ANKRD12: variants seen among roughly 807,000 people sequenced by gnomAD.
ANKRD12 encodes ankyrin repeat domain 12.
ANKRD12 carries 85 observed loss-of-function variants against 183.4 expected under a neutral mutation model. The ratio of observed to expected loss-of-function variants is 0.46; its 90% confidence interval spans 0.39 to 0.56. The LOEUF (loss-of-function observed/expected upper bound fraction) is 0.56, where lower values mean the gene tolerates loss of function less well. Ranked by LOEUF, ANKRD12 falls within the 20% of genes least tolerant of loss-of-function variation. ANKRD12 has a pLI of 0.00. For missense variants in ANKRD12, 2,405 were observed against 2,357.1 expected, an observed-to-expected ratio of 1.02 and a Z score of -0.42; for synonymous variants, 914 against 800.2, an observed-to-expected ratio of 1.14 and a Z score of -2.40.
At chr18:9,199,337 G>A (rs1177343147) in intron 3 of ANKRD12, among the ~76,000 whole-genome samples, 2 of 152,136 alleles carry the variant, frequency 1.3e-5, no homozygotes, top group African/African-American at 2.4e-5. Flanking sequence ...GAAACAGTAT[G>A]TGCTATTTGC....
chr18:9,255,776 G>A lies in ANKRD12; in HGVS notation c.2509G>A (p.Glu837Lys). Residue 837 changes from glutamate to lysine, a missense_variant, in exon 9 of 13, where the codon GAA (glutamate) becomes AAA (lysine). By Grantham distance (56) the Glu-to-Lys change is moderately conservative. Around this residue, in one of 7 missense-constraint regions of ANKRD12, gnomAD observed 1,983 missense variants for 1,725.9 expected, o/e 1.15. Coordinates refer to ENST00000262126, the MANE Select transcript of ANKRD12 (RefSeq NM_015208.5). ...QIKEKDIEKM[E>K]RKTFEKEKKI... is the part of the protein sequence containing the mutation. Reference sequence around the variant, plus strand: ...TAAAGAAAAGGACATTGAGAAGATGGAAAGAAAAACCTTTGAAAAAGAAAA... The same window carrying A: ...TAAAGAAAAGGACATTGAGAAGATGAAAAGAAAAACCTTTGAAAAAGAAAA... 6.3e-7 allele frequency: 1 copy of A among 1,576,408 alleles called. No homozygotes were observed. The highest frequency in any genetic ancestry group is 2.3e-5 in the East Asian group (1 of 44,274).
chr18:9,201,908 A>G (rs965447662), intron 3 of ANKRD12, among the ~76,000 whole-genome samples: 6 of 151,424 alleles, frequency 4.0e-5, no homozygotes, highest in African/African-American at 1.5e-4. Context: ...GCTCACTGCA[A>G]CCTCTGCCTC....
intron 11 of ANKRD12, 87 bp downstream of exon 11, chr18:9,275,754 T>C (rs188627879): frequency 7.7e-7 from 1 of 1,301,478 alleles, no homozygotes; most frequent in Non-Finnish European, 1.0e-6. Context: ...TAGAAAGAAC[T>C]TGAACTCAAC....
At chr18:9,170,538 T>G (rs975625968) in intron 1 of ANKRD12, among the ~76,000 whole-genome samples, 5 of 152,226 alleles carry the variant, frequency 3.3e-5, no homozygotes, top group Non-Finnish European at 7.3e-5. Context: ...GTAGCTCTGG[T>G]GCCTTGGTTT....
At chr18:9,161,635 C>CA (rs1413826001) in intron 1 of ANKRD12, among the ~76,000 whole-genome samples, 2 of 151,928 alleles carry the variant, frequency 1.3e-5, no homozygotes, top group Non-Finnish European at 2.9e-5. Flanking sequence ...CTCGGCCTTC[C>CA]AAAGTGCTGG....
At chr18:9,159,857 TA>T (rs2031159600) in intron 1 of ANKRD12, among the ~76,000 whole-genome samples, 2 of 151,714 alleles carry the variant, frequency 1.3e-5, no homozygotes, top group Middle Eastern at 3.4e-3. Context: ...CAGGCTAGGG[TA>T]CAATGTCATG....
chr18:9,158,695 T>C (rs879264498), intron 1 of ANKRD12, among the ~76,000 whole-genome samples: 2 of 152,326 alleles, frequency 1.3e-5, no homozygotes, highest in Middle Eastern at 6.8e-3. Context: ...ACTCTTTTTT[T>C]CTCCTCTTTC....
At chr18:9,249,970 G>A (rs1324642013) in intron 8 of ANKRD12, 1 of 152,134 alleles carries the variant, frequency 6.6e-6, no homozygotes, top group African/African-American at 2.4e-5. Context: ...GAAATACTCT[G>A]GGCTGCATCT....
Position 9,258,280 on chromosome 18 carries a change from T to A in ANKRD12, c.5013T>A (p.His1671Gln). The change falls in exon 9 of 13, where the codon CAT becomes CAA. Residue 1671 changes from histidine (H) to glutamine (Q), a missense_variant. His to Gln is a conservative substitution (Grantham distance 24). Around this residue, in one of 7 missense-constraint regions of ANKRD12, gnomAD observed 1,983 missense variants for 1,725.9 expected, o/e 1.15. Transcript: ENST00000262126. ...ACCTAAATGAACAAGATCCAAAACA[T>A]TGTCCTGAAAGTGAAAAGTGTTTGC... ...KGNLNEQDPK[H>Q]CPESEKCLLS... The A allele has an allele frequency of 6.2e-7, 1 of 1,613,686 alleles. No homozygotes were observed. The highest frequency in any genetic ancestry group is 8.5e-7 in the Non-Finnish European group (1 of 1,179,904).
intron 1 of ANKRD12, among the ~76,000 whole-genome samples, chr18:9,160,355 C>G (rs772414221): frequency 6.6e-6 from 1 of 152,234 alleles, no homozygotes; most frequent in Non-Finnish European, 1.5e-5. Flanking sequence ...TCAAGTGATC[C>G]TCCTACCTTG....
At chr18:9,188,938 A>G (rs1003289885) in intron 2 of ANKRD12, among the ~76,000 whole-genome samples, 1 of 152,218 alleles carries the variant, frequency 6.6e-6, no homozygotes, top group African/African-American at 2.4e-5. Flanking sequence ...GTGGTCTCTA[A>G]GTATTCAAGT....
intron 3 of ANKRD12, among the ~76,000 whole-genome samples, chr18:9,201,626 T>G (rs1481490408): frequency 2.0e-5 from 3 of 152,190 alleles, no homozygotes; most frequent in Non-Finnish European, 4.4e-5. Flanking sequence ...GAATGTTCTT[T>G]AAGTTCAAAT....
At chr18:9,181,359 A>C (rs1376911172) in intron 1 of ANKRD12, among the ~76,000 whole-genome samples, 1 of 152,206 alleles carries the variant, frequency 6.6e-6, no homozygotes, top group African/African-American at 2.4e-5. Context: ...TACTCTGTTC[A>C]AGGTGTCTGA....
chr18:9,263,697 T>A, intron 9 of ANKRD12, 93 bp from the exon 10 acceptor site: 4 of 924,416 alleles, frequency 4.3e-6, no homozygotes, highest in Non-Finnish European at 4.5e-6. Flanking sequence ...AGAATTTGTT[T>A]TTTTATGCAC....
intron 7 of ANKRD12, among the ~76,000 whole-genome samples, chr18:9,220,133 A>T (rs1002841941): frequency 2.0e-5 from 3 of 152,200 alleles, no homozygotes; most frequent in Non-Finnish European, 4.4e-5. Flanking sequence ...ATTGTGAATC[A>T]TTCTTAAATA....
chr18:9,284,908 T>C lies in ANKRD12; in HGVS notation c.*3782T>C, dbSNP rs1568018309. On this transcript the variant is annotated 3_prime_UTR_variant, in exon 13 of 13. Coordinates refer to ENST00000262126, the MANE Select transcript of ANKRD12 (RefSeq NM_015208.5). Reference sequence around the variant, plus strand: ...TTTTTGTACATGGACAGCGTCCTCATAAAAGAAAATAGGCCAGGCCAGGCG... The same window carrying C: ...TTTTTGTACATGGACAGCGTCCTCACAAAAGAAAATAGGCCAGGCCAGGCG... 6.6e-6 allele frequency: 1 copy of C among 152,148 alleles called. No homozygotes were observed. Among genetic ancestry groups the C allele is most frequent in the African/African-American group, 2.4e-5 (1 of 41,450 alleles). 9.4% of individuals were successfully genotyped at this position (152,148 alleles called of 1,614,324 possible).
chr18:9,216,894 C>T lies in ANKRD12; in HGVS notation c.789C>T (p.His263=). The change falls in exon 7 of 13, where the codon CAC becomes CAT. Residue 263 remains histidine (H), a synonymous_variant. Coordinates refer to ENST00000262126, the MANE Select transcript of ANKRD12 (RefSeq NM_015208.5). Reference sequence around the variant, plus strand: ...TCCATGATTCTGCTAGTAGTGGGCACAGAGATGTAAGTATGATAGAAAAAA... The same window carrying T: ...TCCATGATTCTGCTAGTAGTGGGCATAGAGATGTAAGTATGATAGAAAAAA... ...TPLHDSASSG[H]RDIVKLLLRH... is the part of the protein sequence containing the mutation. 1.9e-6 allele frequency: 3 copies of T among 1,611,670 alleles called. No individual in the cohort carries two copies. Among genetic ancestry groups the T allele is most frequent in the Non-Finnish European group, 2.5e-6 (3 of 1,179,156 alleles).
At chr18:9,249,641 A>T (rs12604277) in intron 8 of ANKRD12, 2 of 152,234 alleles carry the variant, frequency 1.3e-5, no homozygotes, top group East Asian at 3.9e-4. Flanking sequence ...CTATATATAC[A>T]TTTTTTTAAA....
chr18:9,234,698 G>T (rs551747390), intron 8 of ANKRD12, among the ~76,000 whole-genome samples: 2 of 152,220 alleles, frequency 1.3e-5, no homozygotes, highest in East Asian at 1.9e-4. Flanking sequence ...TGTCGTGGTG[G>T]TGCCCAGTTC....
Sources: allele counts gnomAD v4.1 joint callset (sites outside exome capture counted in the v4.1 genomes callset), GRCh38; gene constraint gnomAD v4.1.1; regional missense constraint gnomAD v4.1.1; transcripts MANE v1.5; gene names NCBI Gene and HGNC (gene_info 2026-07-23, HGNC 2026-07-21).